The following ACOT11 variants were observed in gnomAD, a reference collection of about 807,000 sequenced individuals.
ACOT11 encodes the protein acyl-coenzyme A thioesterase 11.
In ACOT11, 69 loss-of-function variants were observed where a neutral mutation model predicts 77.5. The observed-to-expected ratio is 0.89, with a 90% CI of 0.73 to 1.09. ACOT11 has a LOEUF of 1.09. ACOT11 is among the 50% of genes least tolerant of loss of function. The pLI is 0.00. For synonymous variants in ACOT11, 279 were observed against 313.0 expected (o/e 0.89, Z 1.15); for missense variants, 766 against 813.7 (o/e 0.94, Z 0.71).
chr1:54,564,343 C>G (rs1399419585), intron 1 of ACOT11, among the ~76,000 whole-genome samples: 1 of 152,262 alleles, frequency 6.6e-6, no homozygotes, highest in African/African-American at 2.4e-5. Context: ...CAGTGCTTGG[C>G]TAACAGCACC....
Position 54,623,517 on chromosome 1 carries a change from G to A in ACOT11, c.1630-7217G>A, listed in dbSNP as rs893729452. 1.1e-5 allele frequency: 8 copies of A among 745,500 alleles called. No individual in the cohort carries two copies. The South Asian group carries it at 1.3e-4, about 12-fold the overall frequency. 46.2% of individuals were successfully genotyped at this position (745,500 alleles called of 1,614,324 possible). A position where few individuals can be genotyped will look rare whatever the true frequency, so the allele number is the denominator to read the frequency against. On this transcript the variant is annotated intron_variant, in intron 15 of 16. Coordinates refer to the ACOT11 transcript ENST00000371316. The stretch of plus-strand genomic sequence containing the variant: ...AGCACCTAATTCTCCACCGGGCCTG[G>A]TCTGCTCTGCAGCCCTGTAATATCC...
chr1:54,612,337 A>G (rs1569783136), downstream of ACOT11: 1 of 614,396 alleles, frequency 1.6e-6, no homozygotes, highest in Non-Finnish European at 2.9e-6. Context: ...GAGGTATGCA[A>G]GCAGAAAGCA....
At chr1:54,551,568 T>C (rs948549013) in intron 1 of ACOT11, among the ~76,000 whole-genome samples, 12 of 152,114 alleles carry the variant, frequency 7.9e-5, no homozygotes, top group Admixed American at 4.6e-4. Context: ...GACCCACTGG[T>C]GCCCTCGTAG....
intron 3 of ACOT11, among the ~76,000 whole-genome samples, chr1:54,588,920 C>G (rs530869927): frequency 1.4e-4 from 22 of 152,258 alleles, no homozygotes; most frequent in Admixed American, 2.0e-4. Context: ...AAGGCCTGGA[C>G]ACACCTGAGG....
At chr1:54,596,779 TG>T (rs2100993503) in intron 6 of ACOT11, among the ~76,000 whole-genome samples, 1 of 152,328 alleles carries the variant, frequency 6.6e-6, no homozygotes, top group African/African-American at 2.4e-5. Flanking sequence ...TTCACCATGT[TG>T]GCCAGGCTGG....
At chr1:54,577,423 T>A (rs926876148) in intron 1 of ACOT11, among the ~76,000 whole-genome samples, 17 of 152,340 alleles carry the variant, frequency 1.1e-4, no homozygotes, top group Middle Eastern at 3.4e-3. Context: ...ACTTAGTATA[T>A]CTTTTTGAAA....
chr1:54,593,619 T>G (rs1654791101), intron 4 of ACOT11, among the ~76,000 whole-genome samples: 1 of 152,128 alleles, frequency 6.6e-6, no homozygotes, highest in South Asian at 2.1e-4. Flanking sequence ...GCCAACATTC[T>G]GCCTGTATGA....
At chr1:54,572,434 T>C (rs995646503) in intron 1 of ACOT11, among the ~76,000 whole-genome samples, 20 of 151,780 alleles carry the variant, frequency 1.3e-4, no homozygotes, top group African/African-American at 4.8e-4. Flanking sequence ...AGGGCAGGGG[T>C]CTGAGGAGGG....
chr1:54,619,764 A>G lies in ACOT11; in HGVS notation c.1630-10970A>G. 3 of 1,271,812 alleles carry G rather than the reference A, an allele frequency of 2.4e-6. No homozygotes were observed. The East Asian group carries it at 7.1e-5, about 30-fold the overall frequency. 78.8% of individuals were successfully genotyped at this position (1,271,812 alleles called of 1,614,324 possible). A position where few individuals can be genotyped will look rare whatever the true frequency, so the allele number is the denominator to read the frequency against. On this transcript the variant is annotated intron_variant, in intron 15 of 16. Coordinates refer to the ACOT11 transcript ENST00000371316. ...CATGCTGAAAGACATGTAAACAGCCATCATGCCACCACAGTGACCAGTGTC... is the reference window on the plus strand; with the variant it reads ...CATGCTGAAAGACATGTAAACAGCCGTCATGCCACCACAGTGACCAGTGTC...
chr1:54,597,686 CTA>C, intron 7 of ACOT11: 1 of 490,806 alleles, frequency 2.0e-6, no homozygotes, highest in Non-Finnish European at 3.6e-6. Context: ...CTTCTAGTAT[CTA>C]TGTTCCCTTC....
Position 54,594,696 on chromosome 1 carries a change from G to GCA in ACOT11, c.607+6_607+7dup, listed in dbSNP as rs1654834708. On this transcript the variant is annotated splice_donor_region_variant and intron_variant, in intron 6 of 15. Coordinates refer to ENST00000343744, the MANE Select transcript of ACOT11 (RefSeq NM_147161.4). The stretch of plus-strand genomic sequence containing the variant: ...CCAACTGCGCCATTCAGGGCGGTGA[G>GCA]CAGCTGCCAGCTGTGCATGGGGAGG... The GCA allele has an allele frequency of 1.9e-6, 3 of 1,606,796 alleles. No individual in the cohort carries two copies. Among genetic ancestry groups the GCA allele is most frequent in the African/African-American group, 1.3e-5 (1 of 74,894 alleles).
chr1:54,581,710 G>A (rs1654315077), intron 1 of ACOT11, among the ~76,000 whole-genome samples: 1 of 152,154 alleles, frequency 6.6e-6, no homozygotes, highest in South Asian at 2.1e-4. Context: ...CCGCCACCCT[G>A]GTAGCTCTCT....
chr1:54,624,566 T>A (rs981913946), intron 15 of ACOT11, among the ~76,000 whole-genome samples: 5 of 152,106 alleles, frequency 3.3e-5, no homozygotes, highest in African/African-American at 1.2e-4. Flanking sequence ...GAGGCTGACT[T>A]CTGGGGACCA....
downstream of ACOT11, among the ~76,000 whole-genome samples, chr1:54,615,064 C>T (rs1050103540): frequency 1.4e-5 from 2 of 140,820 alleles, no homozygotes; most frequent in Non-Finnish European, 3.3e-5. Context: ...AGAAGAAGGG[C>T]CTGCCTCTAG....
chr1:54,595,558 T>A (rs937973911), intron 6 of ACOT11, among the ~76,000 whole-genome samples: 3 of 152,216 alleles, frequency 2.0e-5, no homozygotes, highest in African/African-American at 7.2e-5. Flanking sequence ...TTAGGGTATC[T>A]TTCCAGAAGT....
At chr1:54,551,953 A>G (rs1653085465) in intron 1 of ACOT11, among the ~76,000 whole-genome samples, 1 of 151,834 alleles carries the variant, frequency 6.6e-6, no homozygotes, top group African/African-American at 2.4e-5. Flanking sequence ...ATGCAATCCT[A>G]CTGTTTTACC....
At chr1:54,551,311 T>C (rs1653058402) in intron 1 of ACOT11, among the ~76,000 whole-genome samples, 1 of 152,040 alleles carries the variant, frequency 6.6e-6, no homozygotes, top group Non-Finnish European at 1.5e-5. Context: ...AGAGTCAGCA[T>C]TGGAGTTCAA....
chr1:54,568,358 CTTTTTT>C (rs71045196), intron 1 of ACOT11, among the ~76,000 whole-genome samples: 2 of 80,556 alleles, frequency 2.5e-5, no homozygotes, highest in African/African-American at 5.2e-5. Flanking sequence ...TTCCCAGCAC[CTTTTTT>C]TTTTTTTTTT....
In ACOT11 at chr1:54,607,570, G is replaced by C. The variant is rs139775871; in HGVS notation, c.1502+305G>C. On this transcript the variant is annotated intron_variant, in intron 14 of 15. Transcript: ENST00000343744. This position sits in a 1 kb window ranked among gnomAD's most constrained non-coding sequence, Gnocchi z 4.5. Reference sequence around the variant, plus strand: ...TATTTCTCACGTGGCCACCTCCTTGGCCTCCTCCCTCTGACAGCCCTGTGT... The same window carrying C: ...TATTTCTCACGTGGCCACCTCCTTGCCCTCCTCCCTCTGACAGCCCTGTGT... 1.5e-3 allele frequency among the ~76,000 whole-genome samples: 222 copies of C among 152,222 alleles called. 2 individuals carry two copies. Among genetic ancestry groups the C allele is most frequent in the African/African-American group, 4.9e-3 (205 of 41,538 alleles).
Sources: allele counts gnomAD v4.1 joint callset (sites outside exome capture counted in the v4.1 genomes callset), GRCh38; gene constraint gnomAD v4.1.1; non-coding constraint Gnocchi (gnomAD v3.1); transcripts MANE v1.5; gene names NCBI Gene and HGNC (gene_info 2026-07-23, HGNC 2026-07-21).